Variants in GLI3 observed in about 807,000 individuals in gnomAD.
GLI3 encodes GLI family zinc finger 3.
A neutral mutation model predicts 100.8 loss-of-function variants in GLI3; 20 were observed. The ratio of observed to expected loss-of-function variants is 0.20; its 90% CI spans 0.14 to 0.29. GLI3 has a LOEUF of 0.29. Ranked by LOEUF, GLI3 falls within the 10% of genes least tolerant of loss-of-function variation. The pLI is 1.00. For missense variants in GLI3, 2,040 were observed against 2,128.5 expected (o/e 0.96, Z 0.82); for synonymous variants, 938 against 860.5 (o/e 1.09, Z -1.58).
intron 1 of GLI3, among the ~76,000 whole-genome samples, chr7:42,261,589 A>G (rs776094845): frequency 3.3e-5 from 5 of 152,242 alleles, no homozygotes; most frequent in Non-Finnish European, 4.4e-5. Context: ...GAAAGATTTC[A>G]TAAGTCAGAC....
intron 1 of GLI3, among the ~76,000 whole-genome samples, chr7:42,243,255 T>C (rs1788942669): frequency 6.6e-6 from 1 of 152,134 alleles, no homozygotes; most frequent in Non-Finnish European, 1.5e-5. Flanking sequence ...CAGTGATGGT[T>C]TCTATACCTT....
intron 10 of GLI3, among the ~76,000 whole-genome samples, chr7:42,008,612 T>C (rs1297598253): frequency 6.6e-6 from 1 of 152,150 alleles, no homozygotes; most frequent in East Asian, 1.9e-4. Context: ...TCTTATCTGG[T>C]TCTGTCAACC....
At chr7:42,011,137 C>T (rs1282129124) in intron 10 of GLI3, among the ~76,000 whole-genome samples, 1 of 152,144 alleles carries the variant, frequency 6.6e-6, no homozygotes, top group Non-Finnish European at 1.5e-5. Context: ...TAGATGTGGC[C>T]ACTGTAGATG....
intron 2 of GLI3, among the ~76,000 whole-genome samples, chr7:42,183,177 T>C (rs951689909): frequency 2.0e-5 from 3 of 152,120 alleles, no homozygotes; most frequent in Admixed American, 6.5e-5. Context: ...TGAGCCGAGA[T>C]TGCGCCATGG....
At position 42,185,619 on chromosome 7, in the gene GLI3, C is replaced by A. The variant is rs3823732; in HGVS notation, c.125-37151G>T. ...TTTATTCGTGACATTTTGGAGCTGC[C>A]CAGATGTGCTACAGCTTCCCTTGTG... On this transcript the variant is annotated intron_variant, in intron 2 of 14. Transcript: ENST00000395925. 1.2e-4 allele frequency among the ~76,000 whole-genome samples: 19 copies of A among 152,196 alleles called. No individual in the cohort carries two copies. In the East Asian group the frequency reaches 3.3e-3, roughly 26 times the overall value.
At chr7:42,130,468 A>C (rs888485024) in intron 3 of GLI3, among the ~76,000 whole-genome samples, 2 of 152,250 alleles carry the variant, frequency 1.3e-5, no homozygotes, top group Middle Eastern at 6.3e-3. Context: ...GTTAAGAAGA[A>C]GTTTCAATAA....
chr7:42,156,406 T>C (rs576787043), intron 2 of GLI3, among the ~76,000 whole-genome samples: 4 of 152,356 alleles, frequency 2.6e-5, no homozygotes, highest in Middle Eastern at 6.8e-3. Flanking sequence ...TTTTGCTTGG[T>C]AGCACATTTA....
chr7:42,025,559 C>T (rs139761400), intron 8 of GLI3, among the ~76,000 whole-genome samples, 182 bp from the exon 9 acceptor site: 71 of 152,322 alleles, frequency 4.7e-4, no homozygotes, highest in African/African-American at 1.5e-3. Flanking sequence ...CTAGAAAATA[C>T]GTTCATGCGG....
Position 41,964,458 on chromosome 7 carries a change from T to G in GLI3, c.4615A>C (p.Thr1539Pro). The G allele has an allele frequency of 6.2e-7, 1 of 1,614,146 alleles. No homozygotes were observed. The highest frequency in any genetic ancestry group is 8.5e-7 in the Non-Finnish European group (1 of 1,180,004). ...AATGGGAGGGACGCCCGAGGCGTGG[T>G]GAGGCGGGAGGAGCTATGGGAAAGG... is the stretch of plus-strand genomic sequence containing the variant. ...QNLSHSSSRL[T>P]TPRASLPFPA... The change falls in exon 15 of 15, where the codon ACC becomes CCC. Residue 1539 changes from threonine (T) to proline (P), a missense_variant. Thr to Pro is a conservative substitution (Grantham distance 38, BLOSUM62 -1). Transcript: ENST00000395925.
chr7:42,261,901 T>TTTCCCTTCCTTCC (rs139114888), intron 1 of GLI3, among the ~76,000 whole-genome samples: 7 of 136,448 alleles, frequency 5.1e-5, no homozygotes, highest in African/African-American at 2.0e-4. Flanking sequence ...CTTCCCTTCC[T>TTTCCCTTCCTTCC]TTCCCTCCCT....
At chr7:41,984,711 C>T (rs555891440) in intron 10 of GLI3, among the ~76,000 whole-genome samples, 1 of 152,354 alleles carries the variant, frequency 6.6e-6, no homozygotes, top group African/African-American at 2.4e-5. Flanking sequence ...CGCGAAGCTT[C>T]AGGCTCAACC....
At chr7:41,981,191 C>T (rs997569406) in intron 10 of GLI3, among the ~76,000 whole-genome samples, 1 of 152,206 alleles carries the variant, frequency 6.6e-6, no homozygotes, top group Non-Finnish European at 1.5e-5. Context: ...CCACGCATGG[C>T]AGGAGAGAAC....
chr7:42,008,082 CAGGTTCG>C (rs1272929213), intron 10 of GLI3, among the ~76,000 whole-genome samples: 2 of 152,142 alleles, frequency 1.3e-5, no homozygotes, highest in Non-Finnish European at 2.9e-5. Flanking sequence ...GAATTTCACT[CAGGTTCG>C]AGTGGGACTA....
chr7:42,236,380 T>C (rs1788793923), intron 1 of GLI3, among the ~76,000 whole-genome samples: 1 of 152,136 alleles, frequency 6.6e-6, no homozygotes, highest in African/African-American at 2.4e-5. Flanking sequence ...ATACAGATGG[T>C]ACAACTTTCA....
At chr7:42,211,361 C>T (rs1429427539) in intron 2 of GLI3, among the ~76,000 whole-genome samples, 3 of 151,360 alleles carry the variant, frequency 2.0e-5, no homozygotes, top group Non-Finnish European at 4.4e-5. Context: ...CTGCTGTCAA[C>T]GTTTATAAGA....
At position 42,010,547 on chromosome 7, in the gene GLI3, A is replaced by G. The variant is rs139542402; in HGVS notation, c.1497+12921T>C. ...CCTGTGTTTTGATCAAAGAGTCTGA[A>G]GTTTCTGATGAAGTGTTATATTCGC... On this transcript the variant is annotated intron_variant, in intron 10 of 14. Coordinates refer to ENST00000395925, the MANE Select transcript of GLI3 (RefSeq NM_000168.6). 2.8e-3 allele frequency among the ~76,000 whole-genome samples: 429 copies of G among 152,300 alleles called. 6 individuals are homozygous for G. Among genetic ancestry groups the G allele is most frequent in the African/African-American group, 9.0e-3 (373 of 41,564 alleles).
chr7:42,139,251 C>T (rs1006567858), intron 3 of GLI3, among the ~76,000 whole-genome samples: 4 of 152,160 alleles, frequency 2.6e-5, no homozygotes, highest in South Asian at 2.1e-4. Flanking sequence ...TCTTTAGGAA[C>T]GAAGCCACAG....
chr7:42,244,684 G>C (rs1351019786), intron 1 of GLI3, among the ~76,000 whole-genome samples: 1 of 151,670 alleles, frequency 6.6e-6, no homozygotes, highest in Non-Finnish European at 1.5e-5. Flanking sequence ...ACATCAGAAA[G>C]TCAGAATAAA....
At chr7:42,161,936 G>A (rs773111030) in intron 2 of GLI3, among the ~76,000 whole-genome samples, 6 of 152,186 alleles carry the variant, frequency 3.9e-5, no homozygotes, top group Non-Finnish European at 7.4e-5. Context: ...ATACAAACCA[G>A]CCCAGGTTGG....
Sources: gnomAD v4.1 joint callset for allele counts (sites outside exome capture counted in the v4.1 genomes callset) on GRCh38, gnomAD v4.1.1 for gene constraint, MANE v1.5 for transcripts, NCBI Gene and HGNC (gene_info 2026-07-23, HGNC 2026-07-21) for gene names.